Variants in RPA3 observed in about 807,000 individuals in gnomAD.
RPA3 encodes replication protein A 14 kDa subunit.
Under a neutral mutation model 13.7 loss-of-function variants are expected in RPA3, and 24 were observed. That is an observed-to-expected ratio of 1.75 (90% CI 1.27 to 2.46). RPA3 has a LOEUF of 2.46. Ranked by LOEUF, RPA3 falls within the 30% of genes most tolerant of loss-of-function variation. The pLI is 0.00. For synonymous variants in RPA3, 59 were observed against 51.2 expected (o/e 1.15, Z -0.65); for missense variants, 183 against 151.0 (o/e 1.21, Z -1.11).
At chr7:7,683,416 T>C (rs1779960669) in intron 4 of RPA3, among the ~76,000 whole-genome samples, 1 of 152,184 alleles carries the variant, frequency 6.6e-6, no homozygotes, top group Non-Finnish European at 1.5e-5. Flanking sequence ...AATAATTGTA[T>C]GTCATCAAAT....
rs575934218 is a variant in RPA3, at chr7:7,642,080, T to C, written c.-757-905A>G. On this transcript the variant is annotated intron_variant, in intron 4 of 7. Coordinates refer to ENST00000223129, the MANE Select transcript of RPA3 (RefSeq NM_002947.5). ...TAAGTCTTTTGTACTTTAGCATTGTTTTGCAAAGCAAGTTGATGTGCATTA... is the reference window on the plus strand; with the variant it reads ...TAAGTCTTTTGTACTTTAGCATTGTCTTGCAAAGCAAGTTGATGTGCATTA... 5.9e-5 allele frequency among the ~76,000 whole-genome samples: 9 copies of C among 152,372 alleles called. 1 individual carries two copies. Among genetic ancestry groups the C allele is most frequent in the African/African-American group, 2.2e-4 (9 of 41,592 alleles).
At chr7:7,677,426 T>C (rs893500383) in intron 4 of RPA3, among the ~76,000 whole-genome samples, 4 of 152,102 alleles carry the variant, frequency 2.6e-5, no homozygotes, top group Admixed American at 2.6e-4. Flanking sequence ...TTGCCTTTGG[T>C]AACCATCATT....
intron 2 of RPA3, among the ~76,000 whole-genome samples, chr7:7,694,973 A>T (rs942919834): frequency 2.0e-5 from 3 of 152,156 alleles, no homozygotes; most frequent in Admixed American, 6.6e-5. Context: ...ACTGTTCTCC[A>T]TAGTGGTTGT....
At chr7:7,649,694 G>C (rs10263636) in intron 4 of RPA3, among the ~76,000 whole-genome samples, 100,156 of 151,172 alleles carry the variant, frequency 0.66, 33,606 homozygotes, top group East Asian at 0.88. Context: ...TGGTGGGGGG[G>C]CCCACCCTAC....
chr7:7,705,819 G>A (rs867951452), intron 2 of RPA3, among the ~76,000 whole-genome samples: 3 of 152,118 alleles, frequency 2.0e-5, no homozygotes, highest in Non-Finnish European at 2.9e-5. Flanking sequence ...GTCAGTGTAT[G>A]TTCATCAATT....
At chr7:7,663,082 C>T (rs565153054) in intron 4 of RPA3, among the ~76,000 whole-genome samples, 11 of 151,666 alleles carry the variant, frequency 7.3e-5, no homozygotes, top group South Asian at 2.1e-4. Context: ...CACCCAAATG[C>T]GAAAGTTTAT....
intron 4 of RPA3, among the ~76,000 whole-genome samples, chr7:7,666,952 C>T (rs985094654): frequency 5.9e-5 from 9 of 152,266 alleles, no homozygotes; most frequent in South Asian, 2.1e-4. Flanking sequence ...GGATTGCAGG[C>T]GTGCGCCACC....
chr7:7,657,866 G>T lies in RPA3; in HGVS notation c.-757-16691C>A, dbSNP rs1785379583. Among the ~76,000 whole-genome samples, 3 of 152,182 alleles carry T rather than the reference G, an allele frequency of 2.0e-5. No individual in the cohort carries two copies. In the South Asian group the frequency reaches 6.2e-4, roughly 31 times the overall value. ...CTGTGAAGAAAGTCAATGGTAGCTT[G>T]ATGGGGATAGCATTGAATCTGTAAA... On this transcript the variant is annotated intron_variant, in intron 4 of 7. Transcript: ENST00000223129.
chr7:7,666,196 G>C (rs1280863411), intron 4 of RPA3, among the ~76,000 whole-genome samples: 4 of 151,696 alleles, frequency 2.6e-5, no homozygotes, highest in Non-Finnish European at 5.9e-5. Context: ...TTGTTTGTTT[G>C]TTTGTTTGTT....
chr7:7,683,966 C>G (rs572760262), intron 4 of RPA3, among the ~76,000 whole-genome samples: 5 of 152,308 alleles, frequency 3.3e-5, no homozygotes, highest in African/African-American at 9.6e-5. Flanking sequence ...CCCTTGGTAT[C>G]TGTGGGAAAT....
intron 4 of RPA3, among the ~76,000 whole-genome samples, chr7:7,670,877 C>A (rs535443152): frequency 1.3e-5 from 2 of 152,206 alleles, no homozygotes; most frequent in South Asian, 2.1e-4. Context: ...GGACCCCTAT[C>A]TTGGGCCCAA....
chr7:7,713,839 A>T (rs964118009), intron 2 of RPA3, among the ~76,000 whole-genome samples: 19 of 151,948 alleles, frequency 1.3e-4, no homozygotes, highest in South Asian at 2.1e-4. Flanking sequence ...AATTAAAAAA[A>T]TTTTTTCTAG....
intron 4 of RPA3, among the ~76,000 whole-genome samples, chr7:7,651,333 G>C (rs1021314585): frequency 1.3e-5 from 2 of 152,106 alleles, no homozygotes; most frequent in Non-Finnish European, 2.9e-5. Flanking sequence ...TTGTCTTTTG[G>C]CTGGGGTTTG....
chr7:7,650,979 G>T (rs989842950), intron 4 of RPA3, among the ~76,000 whole-genome samples: 1 of 152,046 alleles, frequency 6.6e-6, no homozygotes, highest in Non-Finnish European at 1.5e-5. Flanking sequence ...CCCCATATTT[G>T]CTCTCTTAAA....
At chr7:7,655,030 A>T (rs886727722) in intron 4 of RPA3, among the ~76,000 whole-genome samples, 6 of 152,152 alleles carry the variant, frequency 3.9e-5, no homozygotes, top group African/African-American at 1.4e-4. Context: ...CTAGAAAATT[A>T]GTAATTCTGG....
intron 4 of RPA3, among the ~76,000 whole-genome samples, chr7:7,674,048 T>C (rs1386449247): frequency 1.3e-5 from 2 of 152,214 alleles, no homozygotes; most frequent in Admixed American, 1.3e-4. Context: ...TTTCTTCCCC[T>C]GAGGAAAAGT....
rs562819248 is a variant in RPA3, at chr7:7,668,004, C to T, written c.-758+17826G>A. Among the ~76,000 whole-genome samples, 3 of 152,196 alleles carry T rather than the reference C, an allele frequency of 2.0e-5. No individual in the cohort carries two copies. The South Asian group carries it at 6.2e-4, about 32-fold the overall frequency. ...GTGCAGTGGCTCACTTTCACCCCCG[C>T]CTTCTGGGCTCAAGCAGTCCTCCAA... On this transcript the variant is annotated intron_variant, in intron 4 of 7. Transcript: ENST00000223129.
intron 4 of RPA3, among the ~76,000 whole-genome samples, chr7:7,678,471 A>C (rs62432577): frequency 0.057 from 8,150 of 142,030 alleles, 312 homozygotes; most frequent in Middle Eastern, 0.13. Context: ...ATATATATTT[A>C]TATATTTAAT....
At chr7:7,682,202 T>A (rs1202781655) in intron 4 of RPA3, among the ~76,000 whole-genome samples, 1 of 152,180 alleles carries the variant, frequency 6.6e-6, no homozygotes, top group Admixed American at 6.5e-5. Context: ...CTAATTATTT[T>A]GTAACACTTG....
Sources: gnomAD v4.1 joint callset for allele counts (sites outside exome capture counted in the v4.1 genomes callset) on GRCh38, gnomAD v4.1.1 for gene constraint, MANE v1.5 for transcripts, NCBI Gene and HGNC (gene_info 2026-07-23, HGNC 2026-07-21) for gene names.